Variants in APOD observed in about 807,000 individuals in gnomAD.
The protein encoded by APOD is apolipoprotein D.
Under a neutral mutation model 20.4 loss-of-function variants are expected in APOD, and 22 were observed. The observed-to-expected ratio is 1.08, with a 90% CI of 0.77 to 1.54. APOD has a LOEUF of 1.54. Ranked by LOEUF, APOD falls within the 40% of genes most tolerant of loss-of-function variation. APOD has a pLI of 0.00. For missense variants in APOD, 223 were observed against 229.6 expected, an observed-to-expected ratio of 0.97 and a Z score of 0.19; for synonymous variants, 97 against 92.4, an observed-to-expected ratio of 1.05 and a Z score of -0.29.
At chr3:195,579,114 C>T (rs1720292535) in intron 2 of APOD, among the ~76,000 whole-genome samples, 1 of 152,214 alleles carries the variant, frequency 6.6e-6, no homozygotes, top group South Asian at 2.1e-4. Context: ...TCTGTGCTGT[C>T]TCCGACTCAC....
chr3:195,578,180 C>A (rs1404724604), intron 2 of APOD, among the ~76,000 whole-genome samples: 1 of 152,022 alleles, frequency 6.6e-6, no homozygotes, highest in Non-Finnish European at 1.5e-5. Flanking sequence ...TATCCAAAAG[C>A]GAAAGTATAA....
rs767540375 is a variant in APOD at position 195,573,833 on chromosome 3, C to T, written c.245+17G>A. 11 of 1,612,500 alleles carry T rather than the reference C, an allele frequency of 6.8e-6. No individual in the cohort carries two copies. Among genetic ancestry groups the T allele is most frequent in the Admixed American group, 5.0e-5 (3 of 59,888 alleles). ...AGCACTCCGCAGGCCTGGCCCCGGA[C>T]GCCCACAGCCACTCACCTCAACTCC... is the stretch of plus-strand genomic sequence containing the variant. On this transcript the variant is annotated intron_variant, in intron 3 of 4. Transcript: ENST00000343267.
At chr3:195,577,167 A>G (rs774086571) in intron 2 of APOD, 61 of 350,690 alleles carry the variant, frequency 1.7e-4, no homozygotes, top group Admixed American at 4.2e-4. Flanking sequence ...ACCCTGGGTG[A>G]CAAAGTGAGA....
chr3:195,582,423 A>G lies in APOD; in HGVS notation c.-35+1455T>C, dbSNP rs531830661. On this transcript the variant is annotated intron_variant, in intron 1 of 4. Transcript: ENST00000343267. ...GATTGTTCTTATGAGGAGTTTAAAT[A>G]CTTTACAAAATAAGTATAATTTAAA... 4.6e-4 allele frequency among the ~76,000 whole-genome samples: 70 copies of G among 152,280 alleles called. No homozygotes were observed. In the South Asian group the frequency reaches 6.0e-3, roughly 13 times the overall value.
At chr3:195,572,080 A>G (rs1053666846) in intron 3 of APOD, among the ~76,000 whole-genome samples, 7 of 152,194 alleles carry the variant, frequency 4.6e-5, no homozygotes, top group Non-Finnish European at 8.8e-5. Context: ...CGTGCCTGGC[A>G]GATTCACTTC....
chr3:195,579,591 G>A lies in APOD; in HGVS notation c.-34-96C>T, dbSNP rs577952625. The A allele has an allele frequency of 1.1e-4, 147 of 1,353,330 alleles. No homozygotes were observed. In the African/African-American group the frequency reaches 1.9e-3, roughly 17 times the overall value. The allele number at this position is 1,353,330 out of a possible 1,614,324, so 83.8% of individuals were successfully genotyped here. A position where few individuals can be genotyped will look rare whatever the true frequency, so the allele number is the denominator to read the frequency against. The stretch of plus-strand genomic sequence containing the variant: ...TGCTGTGCCCATGGTCCCCTCTGTG[G>A]GCGGTCCCTCCTCTTCTCTCCCCAG... On this transcript the variant is annotated intron_variant, in intron 1 of 4. Transcript: ENST00000343267.
intron 2 of APOD, chr3:195,577,293 A>G: frequency 4.1e-6 from 1 of 243,654 alleles, no homozygotes; most frequent in Non-Finnish European, 8.3e-6. Flanking sequence ...TAAAACTTAT[A>G]CTCTGAAAAC....
At chr3:195,570,075 C>T (rs1410885336) in intron 4 of APOD, among the ~76,000 whole-genome samples, 3 of 152,138 alleles carry the variant, frequency 2.0e-5, no homozygotes, top group Non-Finnish European at 4.4e-5. Context: ...TGTTCCAGTT[C>T]CCTTCACTTG....
Position 195,572,784 on chromosome 3 carries a change from G to A in APOD, c.245+1066C>T, listed in dbSNP as rs193098529. Among the ~76,000 whole-genome samples the A allele has an allele frequency of 5.0e-3, 762 of 152,214 alleles. 8 individuals carry two copies. The highest frequency in any genetic ancestry group is 0.017 in the African/African-American group (708 of 41,536). On this transcript the variant is annotated intron_variant, in intron 3 of 4. Coordinates refer to ENST00000343267, the MANE Select transcript of APOD (RefSeq NM_001647.4). ...CCCAGCACTTTGGGAGGCCAAGGGG[G>A]GGCGGATCACAAGGTCAGGAGATCA... is the stretch of plus-strand genomic sequence containing the variant.
chr3:195,574,156 G>A (rs1376574901), intron 2 of APOD, among the ~76,000 whole-genome samples, 185 bp from the exon 3 acceptor site: 8 of 152,256 alleles, frequency 5.3e-5, no homozygotes, highest in Admixed American at 3.3e-4. Context: ...TGGGATGTGC[G>A]GGCAGGGGGT....
intron 1 of APOD, among the ~76,000 whole-genome samples, chr3:195,580,333 G>C (rs1476402729): frequency 6.7e-6 from 1 of 148,394 alleles, no homozygotes; most frequent in Non-Finnish European, 1.5e-5. Flanking sequence ...TATTTCCCAG[G>C]TTTCTTCTTT....
rs574135740 is a variant in APOD, at chr3:195,571,211, G to C, written c.334+66C>G. ...AGGTGTCTCAGGAATTCTCCAAGCC[G>C]GGGCGCTAGCCTTCAGTTTGCATAT... On this transcript the variant is annotated intron_variant, in intron 4 of 4. Coordinates refer to ENST00000343267, the MANE Select transcript of APOD (RefSeq NM_001647.4). 8.7e-6 allele frequency: 12 copies of C among 1,376,848 alleles called. 1 individual carries two copies. In the East Asian group the frequency reaches 2.7e-4, roughly 31 times the overall value. The allele number at this position is 1,376,848 out of a possible 1,614,324, so 85.3% of individuals were successfully genotyped here.
chr3:195,573,046 G>C (rs1315854441), intron 3 of APOD, among the ~76,000 whole-genome samples: 1 of 152,196 alleles, frequency 6.6e-6, no homozygotes, highest in Non-Finnish European at 1.5e-5. Context: ...ATCTCAGACA[G>C]CTGGGGAAGA....
chr3:195,582,859 G>A (rs1164452396), intron 1 of APOD: 1 of 152,132 alleles, frequency 6.6e-6, no homozygotes, highest in Non-Finnish European at 1.5e-5. Context: ...CTTGAACCTG[G>A]GAGGCGGAGG....
chr3:195,569,475 G>A (rs1197559563), intron 4 of APOD, among the ~76,000 whole-genome samples: 1 of 152,096 alleles, frequency 6.6e-6, no homozygotes, highest in Non-Finnish European at 1.5e-5. Context: ...GAACTCTTAA[G>A]CCCAGAGTGA....
chr3:195,576,536 G>A (rs141436862), intron 2 of APOD, among the ~76,000 whole-genome samples: 3 of 152,206 alleles, frequency 2.0e-5, no homozygotes, highest in Non-Finnish European at 2.9e-5. Context: ...TCAGCCAGAC[G>A]CAGTGGCTCA....
At chr3:195,582,397 A>G (rs1408070640) in intron 1 of APOD, among the ~76,000 whole-genome samples, 1 of 152,216 alleles carries the variant, frequency 6.6e-6, no homozygotes, top group African/African-American at 2.4e-5. Context: ...ATCAATAGGA[A>G]GATTGTTCTT....
At chr3:195,577,193 AAAAAG>A (rs1307504581) in intron 2 of APOD, 9 of 359,428 alleles carry the variant, frequency 2.5e-5, no homozygotes, top group Admixed American at 4.2e-5. Flanking sequence ...TCTCAAAAAA[AAAAAG>A]AAAAGAAAAG....
intron 3 of APOD, among the ~76,000 whole-genome samples, chr3:195,572,734 G>A (rs549433068): frequency 1.3e-4 from 20 of 152,262 alleles, no homozygotes; most frequent in Non-Finnish European, 2.1e-4. Context: ...TAGGTTGGCC[G>A]GGCGTGGTGG....
Sources: allele counts gnomAD v4.1 joint callset (sites outside exome capture counted in the v4.1 genomes callset), GRCh38; gene constraint gnomAD v4.1.1; transcripts MANE v1.5; gene names NCBI Gene and HGNC (gene_info 2026-07-23, HGNC 2026-07-21).